Variants in PUDP observed in about 807,000 individuals in gnomAD.
PUDP encodes the protein pseudouridine-5'-phosphatase.
Under a neutral mutation model 9.4 loss-of-function variants are expected in PUDP, and 8 were observed. That is an observed-to-expected ratio of 0.85 (90% CI 0.50 to 1.53). PUDP has a LOEUF of 1.53. Ranked by LOEUF, PUDP falls within the 40% of genes most tolerant of loss-of-function variation. The pLI is 0.00. For missense variants in PUDP, 188 were observed against 189.7 expected (o/e 0.99, Z 0.05); for synonymous variants, 99 against 80.7 (o/e 1.23, Z -1.22).
At chrX:6,945,876 A>G (rs761032070) in intron 3 of PUDP, among the ~76,000 whole-genome samples, 5 of 111,522 alleles carry the variant, frequency 4.5e-5, no homozygotes, top group Admixed American at 9.6e-5. Flanking sequence ...TCTCTTAGCC[A>G]AAGGGACCCC....
chrX:6,822,187 C>G (rs1055530897), intron 3 of PUDP, among the ~76,000 whole-genome samples: 5 of 111,721 alleles, frequency 4.5e-5, no homozygotes, highest in African/African-American at 1.6e-4. Context: ...GGACAACAAA[C>G]CTCAGGTTTT....
Position 7,056,773 on chromosome X carries a change from G to A in PUDP, c.511-6301C>T, listed in dbSNP as rs137961998. Among the ~76,000 whole-genome samples the A allele has an allele frequency of 5.6e-3, 630 of 111,805 alleles. 7 individuals are homozygous for A. Among genetic ancestry groups the A allele is most frequent in the African/African-American group, 0.019 (593 of 30,764 alleles). ...AGGGGCCATGGAAAGTCAGCGCTAGGGAATAGACAGAGCAAATGCAGCATC... is the reference window on the plus strand; with the variant it reads ...AGGGGCCATGGAAAGTCAGCGCTAGAGAATAGACAGAGCAAATGCAGCATC... On this transcript the variant is annotated intron_variant, in intron 3 of 3. Transcript: ENST00000381077.
At chrX:6,766,560 T>C (rs751142990) in intron 3 of PUDP, among the ~76,000 whole-genome samples, 1 of 111,760 alleles carries the variant, frequency 8.9e-6, no homozygotes, top group South Asian at 3.7e-4. Context: ...CTAGAGAAAT[T>C]ACTAAGGAAG....
At chrX:6,876,449 G>T (rs1427634746) in intron 3 of PUDP, among the ~76,000 whole-genome samples, 1 of 109,547 alleles carries the variant, frequency 9.1e-6, no homozygotes, top group African/African-American at 3.3e-5. Context: ...TATGTATACA[G>T]TCACACACAT....
At chrX:7,063,682 C>T (rs930328905) in intron 3 of PUDP, among the ~76,000 whole-genome samples, 3 of 111,110 alleles carry the variant, frequency 2.7e-5, no homozygotes, top group South Asian at 3.8e-4. Flanking sequence ...CTCACTCTGT[C>T]GCCCAGGCTC....
chrX:6,972,783 T>C (rs1188613879), intron 3 of PUDP, among the ~76,000 whole-genome samples: 1 of 112,160 alleles, frequency 8.9e-6, no homozygotes, highest in Non-Finnish European at 1.9e-5. Flanking sequence ...GAAGGAATGG[T>C]ACCAGCTCCT....
chrX:6,993,207 T>C (rs1166887532), intron 1 of PUDP, among the ~76,000 whole-genome samples: 1 of 111,303 alleles, frequency 9.0e-6, no homozygotes, highest in Non-Finnish European at 1.9e-5. Flanking sequence ...TATACCTCTA[T>C]CCTATTAGTC....
Position 7,066,651 on chromosome X carries a change from C to T in PUDP, c.510+10569G>A, listed in dbSNP as rs192285462. The stretch of plus-strand genomic sequence containing the variant: ...TCCTGCTGTGCGCCCTGCTTCCTAA[C>T]GGGCCATGGAGTACTGGTCCATGGC... On this transcript the variant is annotated intron_variant, in intron 3 of 3. Coordinates refer to ENST00000381077, the MANE Select transcript of PUDP (RefSeq NM_012080.5). Among the ~76,000 whole-genome samples the T allele has an allele frequency of 3.5e-3, 392 of 111,324 alleles. 2 individuals are homozygous for T. The highest frequency in any genetic ancestry group is 0.018 in the Middle Eastern group (4 of 218).
intron 1 of PUDP, among the ~76,000 whole-genome samples, chrX:6,708,745 G>A (rs192911312): frequency 1.1e-3 from 122 of 111,980 alleles, no homozygotes; most frequent in African/African-American, 3.8e-3. Flanking sequence ...CTCTGAGGAT[G>A]AATAGCATCA....
At chrX:6,862,226 G>A (rs763176217) in intron 3 of PUDP, among the ~76,000 whole-genome samples, 117 of 111,731 alleles carry the variant, frequency 1.0e-3, no homozygotes, top group African/African-American at 3.5e-3. Flanking sequence ...AAAGACCACC[G>A]GTCTATGGCC....
chrX:6,767,673 A>G (rs781356355), intron 3 of PUDP, among the ~76,000 whole-genome samples: 1 of 111,920 alleles, frequency 8.9e-6, no homozygotes, highest in African/African-American at 3.2e-5. Context: ...AGAAAGATTC[A>G]AATTTGCTTG....
At chrX:6,845,906 T>G (rs1354654857) in intron 3 of PUDP, among the ~76,000 whole-genome samples, 3 of 111,647 alleles carry the variant, frequency 2.7e-5, no homozygotes, top group Non-Finnish European at 5.6e-5. Flanking sequence ...ATGGCTGCTA[T>G]TCCCAAGTCA....
intron 3 of PUDP, among the ~76,000 whole-genome samples, chrX:6,932,989 A>G (rs1267895215): frequency 9.1e-6 from 1 of 110,168 alleles, no homozygotes; most frequent in Non-Finnish European, 1.9e-5. Flanking sequence ...GGTGGAGCCC[A>G]CCACAGCTCA....
intron 1 of PUDP, among the ~76,000 whole-genome samples, chrX:7,111,233 A>C (rs1932038855): frequency 9.0e-6 from 1 of 111,207 alleles, no homozygotes; most frequent in South Asian, 3.8e-4. Context: ...TCTTTCCTCT[A>C]CAGAATACCC....
intron 3 of PUDP, among the ~76,000 whole-genome samples, chrX:6,890,603 T>C (rs1275128379): frequency 9.0e-6 from 1 of 110,870 alleles, no homozygotes; most frequent in Non-Finnish European, 1.9e-5. Context: ...GTGCTCTTTG[T>C]TGGTGACTTT....
intron 3 of PUDP, among the ~76,000 whole-genome samples, chrX:6,864,627 G>A (rs1927051589): frequency 9.0e-6 from 1 of 111,670 alleles, no homozygotes; most frequent in Admixed American, 9.6e-5. Context: ...GCTAAAACCT[G>A]TGTCAGTAAA....
chrX:6,866,166 C>T (rs1319745746), intron 3 of PUDP, among the ~76,000 whole-genome samples: 1 of 110,183 alleles, frequency 9.1e-6, no homozygotes, highest in Admixed American at 9.7e-5. Context: ...TCAAGTGATC[C>T]CCTTGTCTCA....
At chrX:6,740,174 C>G (rs914847896) in intron 3 of PUDP, among the ~76,000 whole-genome samples, 3 of 111,840 alleles carry the variant, frequency 2.7e-5, no homozygotes, top group Non-Finnish European at 5.6e-5. Flanking sequence ...CCCTGCATTC[C>G]ATGGAATTGG....
In PUDP at chrX:7,058,664, G is replaced by A. The variant is rs750999854; in HGVS notation, c.511-8192C>T. On this transcript the variant is annotated intron_variant, in intron 3 of 3. Transcript: ENST00000381077. ...TAAATAAGTACCACAATGTTGTCAT[G>A]TTGGATACATATACACTATTAGATG... Among the ~76,000 whole-genome samples the A allele has an allele frequency of 4.4e-5, 5 of 112,461 alleles. No individual in the cohort carries two copies. In the South Asian group the frequency reaches 1.8e-3, roughly 42 times the overall value.
Sources: gnomAD v4.1 joint callset for allele counts (sites outside exome capture counted in the v4.1 genomes callset) on GRCh38, gnomAD v4.1.1 for gene constraint, MANE v1.5 for transcripts, NCBI Gene and HGNC (gene_info 2026-07-23, HGNC 2026-07-21) for gene names.